Variants in CCDC77 observed in about 807,000 individuals in gnomAD.
The protein encoded by CCDC77 is coiled-coil domain containing 77.
A neutral mutation model predicts 66.8 loss-of-function variants in CCDC77; 56 were observed. The observed-to-expected ratio is 0.84, with a 90% CI of 0.68 to 1.05. The LOEUF (loss-of-function observed/expected upper bound fraction) is 1.05. CCDC77 is among the 50% of genes least tolerant of loss of function. The pLI is 0.00. For missense variants in CCDC77, 570 were observed against 576.8 expected, an observed-to-expected ratio of 0.99 and a Z score of 0.12; for synonymous variants, 196 against 195.2, an observed-to-expected ratio of 1.00 and a Z score of -0.03.
chr12:394,396 C>T (rs1347727601), intron 1 of CCDC77, among the ~76,000 whole-genome samples: 2 of 152,158 alleles, frequency 1.3e-5, no homozygotes, highest in African/African-American at 2.4e-5. Context: ...CTGGCTTTCC[C>T]CAGTGAAATC....
chr12:442,124 T>A lies in CCDC77; in HGVS notation c.*204T>A. On this transcript the variant is annotated 3_prime_UTR_variant, in exon 13 of 13. Transcript: ENST00000239830. ...TGCTTTATCATTTTTGCTGTCCTTT[T>A]AACACTTGCGAGGAGTAGGGGCCTG... 1.7e-6 allele frequency: 1 copy of A among 582,062 alleles called. No homozygotes were observed. The highest frequency in any genetic ancestry group is 3.0e-6 in the Non-Finnish European group (1 of 331,934). 36.1% of individuals were successfully genotyped at this position (582,062 alleles called of 1,614,324 possible).
intron 5 of CCDC77, among the ~76,000 whole-genome samples, chr12:425,799 A>G (rs942365666): frequency 6.6e-6 from 1 of 152,062 alleles, no homozygotes; most frequent in Non-Finnish European, 1.5e-5. Context: ...ACGCGATATC[A>G]TCAGTAGTGA....
chr12:441,954 A>G lies in CCDC77; in HGVS notation c.*34A>G. 1.9e-6 allele frequency: 3 copies of G among 1,610,908 alleles called. No homozygotes were observed. The highest frequency in any genetic ancestry group is 2.5e-6 in the Non-Finnish European group (3 of 1,177,778). ...TTTGGAAATGGCCCCCATTTAGAAGAGGTGTGCTTCTTGAAACCTGAGGAC... is the reference window on the plus strand; with the variant it reads ...TTTGGAAATGGCCCCCATTTAGAAGGGGTGTGCTTCTTGAAACCTGAGGAC... On this transcript the variant is annotated 3_prime_UTR_variant, in exon 13 of 13. Coordinates refer to ENST00000239830, the MANE Select transcript of CCDC77 (RefSeq NM_032358.4).
At chr12:433,668 T>C (rs1048027022) in intron 9 of CCDC77, among the ~76,000 whole-genome samples, 2 of 149,930 alleles carry the variant, frequency 1.3e-5, no homozygotes, top group African/African-American at 4.9e-5. Context: ...AAAAAAAAAG[T>C]GTTCTTTTAT....
intron 5 of CCDC77, among the ~76,000 whole-genome samples, chr12:426,977 A>G (rs1250653772): frequency 1.3e-5 from 2 of 152,024 alleles, no homozygotes; most frequent in African/African-American, 4.8e-5. Flanking sequence ...CTTAAAACTG[A>G]CTTGGGGCTG....
In CCDC77 at chr12:422,298, T is replaced by G. The variant is rs530588921; in HGVS notation, c.413+3662T>G. On this transcript the variant is annotated intron_variant, in intron 5 of 12. Transcript: ENST00000239830. The stretch of plus-strand genomic sequence containing the variant: ...ACACATAGCAAAAAGTTCACCATTT[T>G]AGCCATCTGAAGTGTACGGTTCAGT... 3.3e-5 allele frequency among the ~76,000 whole-genome samples: 5 copies of G among 152,324 alleles called. No individual in the cohort carries two copies. In the East Asian group the frequency reaches 9.6e-4, roughly 29 times the overall value.
At chr12:416,874 G>A (rs1322329802) in intron 4 of CCDC77, among the ~76,000 whole-genome samples, 5 of 77,842 alleles carry the variant, frequency 6.4e-5, no homozygotes, top group East Asian at 1.1e-3. Flanking sequence ...TTGGGAGGCC[G>A]AGGCCGGCGG....
At chr12:413,173 C>T (rs1411493300) in intron 4 of CCDC77, among the ~76,000 whole-genome samples, 2 of 151,440 alleles carry the variant, frequency 1.3e-5, no homozygotes, top group Non-Finnish European at 2.9e-5. Context: ...CTCCTGACCT[C>T]GTGATCTGCC....
chr12:428,995 C>T, intron 6 of CCDC77, 130 bp downstream of exon 6: 2 of 557,684 alleles, frequency 3.6e-6, no homozygotes, highest in Non-Finnish European at 6.4e-6. Flanking sequence ...GCCTTGTTTG[C>T]CTGAGTTTTT....
chr12:394,003 A>G (rs561499068), intron 1 of CCDC77, among the ~76,000 whole-genome samples: 9 of 152,348 alleles, frequency 5.9e-5, no homozygotes, highest in South Asian at 4.1e-4. Flanking sequence ...TTATCAGGCA[A>G]TTGGGAAGTT....
At chr12:389,635 GC>G in intron 1 of CCDC77, 1 of 230,898 alleles carries the variant, frequency 4.3e-6, no homozygotes, top group Admixed American at 5.3e-5. Context: ...AATGTGTAAT[GC>G]CCCAGAGGGC....
chr12:411,873 T>A lies in CCDC77; in HGVS notation c.165T>A (p.Ser55=). The part of the protein sequence containing the change: ...PEDRLAKLHP[S]KELLEYYQKK... The stretch of plus-strand genomic sequence containing the variant: ...ATCGTCTGGCCAAACTCCATCCTTC[T>A]AAGGAGCTCCTGGAATATTATCAAA... The change falls in exon 4 of 13, where the codon TCT becomes TCA. Residue 55 remains serine (S), a synonymous_variant. Transcript: ENST00000239830. 1 of 1,613,996 alleles carries A rather than the reference T, an allele frequency of 6.2e-7. No homozygotes were observed. Among genetic ancestry groups the A allele is most frequent in the Non-Finnish European group, 8.5e-7 (1 of 1,179,986 alleles).
intron 8 of CCDC77, 93 bp from the exon 9 acceptor site, chr12:433,081 T>G: frequency 1.5e-6 from 2 of 1,344,150 alleles, no homozygotes; most frequent in Non-Finnish European, 2.0e-6. Flanking sequence ...TGTGTTTGTT[T>G]TTTAATTTTT....
At chr12:440,801 C>T (rs2286605) in intron 11 of CCDC77, 43 bp from the exon 12 acceptor site, 24,552 of 1,612,926 alleles carry the variant, frequency 0.015, 1,275 homozygotes, top group South Asian at 0.12. Context: ...GGGGAAGACG[C>T]TTCCCTCACC....
At chr12:394,146 G>C (rs1271616011) in intron 1 of CCDC77, among the ~76,000 whole-genome samples, 2 of 152,112 alleles carry the variant, frequency 1.3e-5, no homozygotes, top group Non-Finnish European at 2.9e-5. Context: ...TCATTTTCAA[G>C]AAAAGATCTG....
chr12:393,557 G>C (rs888240396), intron 1 of CCDC77, among the ~76,000 whole-genome samples: 4 of 148,398 alleles, frequency 2.7e-5, no homozygotes, highest in Non-Finnish European at 4.4e-5. Context: ...TTTTGAGACA[G>C]AGTCTCGCCC....
At chr12:416,606 G>A (rs1299997542) in intron 4 of CCDC77, among the ~76,000 whole-genome samples, 1 of 149,804 alleles carries the variant, frequency 6.7e-6, no homozygotes, top group Non-Finnish European at 1.5e-5. Context: ...TAGAGATGGG[G>A]TTTTGCCATG....
intron 2 of CCDC77, among the ~76,000 whole-genome samples, chr12:407,733 T>C (rs1431053434): frequency 6.6e-6 from 1 of 151,752 alleles, no homozygotes; most frequent in East Asian, 1.9e-4. Flanking sequence ...ACAGTGGTGA[T>C]TATCTCTTTT....
chr12:389,375 G>C (rs969112038), exon 1 of CCDC77: 7 of 589,808 alleles, frequency 1.2e-5, no homozygotes, highest in African/African-American at 1.8e-5. Flanking sequence ...CACGACGCCT[G>C]TGTGTCTGGC....
Sources: gnomAD v4.1 joint callset for allele counts (sites outside exome capture counted in the v4.1 genomes callset) on GRCh38, gnomAD v4.1.1 for gene constraint, MANE v1.5 for transcripts, NCBI Gene and HGNC (gene_info 2026-07-23, HGNC 2026-07-21) for gene names.